Variants in DNAH6 observed in about 807,000 individuals in gnomAD.
DNAH6 encodes axonemal beta dynein heavy chain 6.
Under a neutral mutation model 491.4 loss-of-function variants are expected in DNAH6, and 340 were observed. That is an observed-to-expected ratio of 0.69 (90% CI 0.63 to 0.76). DNAH6 has a LOEUF of 0.76. DNAH6 is among the 30% of genes least tolerant of loss of function. The pLI is 0.00. For missense variants in DNAH6, 4,443 were observed against 4,972.2 expected, an observed-to-expected ratio of 0.89 and a Z score of 3.20; for synonymous variants, 1,603 against 1,686.1, an observed-to-expected ratio of 0.95 and a Z score of 1.21.
intron 58 of DNAH6, among the ~76,000 whole-genome samples, chr2:84,716,284 C>G (rs1370490325): frequency 6.6e-6 from 1 of 150,800 alleles, no homozygotes; most frequent in East Asian, 1.9e-4. Context: ...GTTCATGAGA[C>G]AAACTTTAAA....
intron 14 of DNAH6, among the ~76,000 whole-genome samples, chr2:84,582,226 G>C (rs888434015): frequency 3.3e-5 from 5 of 152,270 alleles, no homozygotes; most frequent in African/African-American, 1.2e-4. Flanking sequence ...CTAAAGTATG[G>C]ATAGAGCCAG....
Position 84,548,377 on chromosome 2 carries a change from G to C in DNAH6, c.1276G>C (p.Glu426Gln). Residue 426 changes from glutamate (E) to glutamine (Q), a missense_variant, in exon 8 of 77, where the codon GAA (glutamate) becomes CAA (glutamine). Glu to Gln is a conservative substitution (Grantham distance 29). Around this residue, in one of 3 missense-constraint regions of DNAH6, gnomAD observed 2,977 missense variants for 3,296.6 expected, o/e 0.90. Transcript: ENST00000389394. ...YGDSEKMTYT[E>Q]QASKRHYCMR... The stretch of plus-strand genomic sequence containing the variant: ...AGACTCTGAGAAAATGACATATACA[G>C]AACAGGCCAGCAAAAGGCATTATTG... 6.2e-7 allele frequency: 1 copy of C among 1,613,986 alleles called. No homozygotes were observed. The highest frequency in any genetic ancestry group is 8.5e-7 in the Non-Finnish European group (1 of 1,179,942).
rs543752080 is a variant in DNAH6, at chr2:84,747,384, C to T, written c.10512+2135C>T. On this transcript the variant is annotated intron_variant, in intron 63 of 76. Coordinates refer to ENST00000389394, the MANE Select transcript of DNAH6 (RefSeq NM_001370.2). Reference sequence around the variant, plus strand: ...GGAGAAATCAGCCAAAAGGAAAGGGCAACAGGCTCCATGCAAGTCTGAAAC... The same window carrying T: ...GGAGAAATCAGCCAAAAGGAAAGGGTAACAGGCTCCATGCAAGTCTGAAAC... Among the ~76,000 whole-genome samples the T allele has an allele frequency of 5.9e-5, 9 of 152,282 alleles. No homozygotes were observed. The South Asian group carries it at 1.7e-3, about 28-fold the overall frequency.
intron 58 of DNAH6, among the ~76,000 whole-genome samples, chr2:84,716,097 G>GTA (rs545829135): frequency 3.1e-3 from 461 of 149,450 alleles, no homozygotes; most frequent in Middle Eastern, 0.022. Flanking sequence ...GTATATATAT[G>GTA]TATATATGTG....
chr2:84,514,120 C>T (rs1267066460), upstream of DNAH6, among the ~76,000 whole-genome samples: 1 of 152,148 alleles, frequency 6.6e-6, no homozygotes, highest in East Asian at 1.9e-4. Context: ...CCCACAGCAC[C>T]CACAGCTTCC....
chr2:84,616,016 A>G (rs1343303862), intron 22 of DNAH6, among the ~76,000 whole-genome samples: 1 of 151,902 alleles, frequency 6.6e-6, no homozygotes, highest in African/African-American at 2.4e-5. Context: ...TTTGGAGTTG[A>G]TTTCCAATTT....
chr2:84,623,737 T>C (rs1687608085), intron 26 of DNAH6, among the ~76,000 whole-genome samples: 1 of 152,238 alleles, frequency 6.6e-6, no homozygotes, highest in Non-Finnish European at 1.5e-5. Flanking sequence ...TTGAAAAAGA[T>C]TTAATTATTA....
In DNAH6 at chr2:84,598,397, G is replaced by C. The variant is rs543202016; in HGVS notation, c.2868+2608G>C. The stretch of plus-strand genomic sequence containing the variant: ...CCATAGTTTGTTTATCCATTCACCT[G>C]GTGAAAGATATCTGAGTTCTGTCTC... On this transcript the variant is annotated intron_variant, in intron 18 of 76. Transcript: ENST00000389394. Among the ~76,000 whole-genome samples the C allele has an allele frequency of 3.9e-5, 6 of 152,126 alleles. No individual in the cohort carries two copies. In the East Asian group the frequency reaches 1.2e-3, roughly 29 times the overall value.
intron 4 of DNAH6, among the ~76,000 whole-genome samples, chr2:84,530,276 T>C (rs1018084249): frequency 8.5e-5 from 13 of 152,090 alleles, no homozygotes; most frequent in African/African-American, 3.1e-4. Flanking sequence ...TTAGGAGTGC[T>C]GGGGAAGAGG....
At position 84,543,273 on chromosome 2, in the gene DNAH6, C is replaced by T. The variant is rs528087245; in HGVS notation, c.663-960C>T. Among the ~76,000 whole-genome samples the T allele has an allele frequency of 3.3e-5, 5 of 152,282 alleles. No homozygotes were observed. The South Asian group carries it at 1.0e-3, about 32-fold the overall frequency. On this transcript the variant is annotated intron_variant, in intron 4 of 76. Transcript: ENST00000389394. ...AAAGCCGTGGAAAATAGCTGATTTT[C>T]ACTGGAGTGTTCCTAATTTCTGCCT...
At chr2:84,670,102 A>T (rs1486748587) in intron 38 of DNAH6, among the ~76,000 whole-genome samples, 1 of 152,232 alleles carries the variant, frequency 6.6e-6, no homozygotes, top group Admixed American at 6.5e-5. Flanking sequence ...GGATTTTGGC[A>T]TGAAACTAAA....
chr2:84,645,477 T>C (rs931083480), intron 33 of DNAH6, among the ~76,000 whole-genome samples: 6 of 152,178 alleles, frequency 3.9e-5, no homozygotes, highest in African/African-American at 1.4e-4. Context: ...TATCACATTG[T>C]GGTTTTGATT....
At chr2:84,548,476 A>G in intron 8 of DNAH6, 59 bp downstream of exon 8, 2 of 1,594,084 alleles carry the variant, frequency 1.3e-6, no homozygotes, top group Admixed American at 3.5e-5. Flanking sequence ...TGCATTAAAA[A>G]TTAAACCCCA....
intron 29 of DNAH6, among the ~76,000 whole-genome samples, chr2:84,632,432 G>A (rs1688495773): frequency 6.6e-6 from 1 of 152,156 alleles, no homozygotes; most frequent in Non-Finnish European, 1.5e-5. Context: ...AGAGCAAACG[G>A]AAATGAAGAA....
rs1225703911 is a variant in DNAH6 at position 84,624,251 on chromosome 2, T to A, written c.4072-14T>A. ...TATTGGAAAATTCACCATGACAATT[T>A]TTTTTATTTGTAGAGATTAAATGCC... On this transcript the variant is annotated splice_polypyrimidine_tract_variant and intron_variant, in intron 26 of 76. Coordinates refer to ENST00000389394, the MANE Select transcript of DNAH6 (RefSeq NM_001370.2). The A allele has an allele frequency of 6.5e-7, 1 of 1,529,706 alleles. No individual in the cohort carries two copies. Among genetic ancestry groups the A allele is most frequent in the East Asian group, 2.5e-5 (1 of 40,790 alleles). The allele number at this position is 1,529,706 out of a possible 1,614,324, so 94.8% of individuals were successfully genotyped here.
intron 4 of DNAH6, among the ~76,000 whole-genome samples, chr2:84,539,331 T>TA (rs1678011903): frequency 6.6e-6 from 1 of 152,036 alleles, no homozygotes; most frequent in African/African-American, 2.4e-5. Flanking sequence ...CACACAAACA[T>TA]ACATGCACAC....
At chr2:84,804,145 G>T (rs1335209133) in intron 70 of DNAH6, among the ~76,000 whole-genome samples, 1 of 146,634 alleles carries the variant, frequency 6.8e-6, no homozygotes, top group South Asian at 2.1e-4. Flanking sequence ...GGCAGAGGTT[G>T]CAGTGAGTCA....
chr2:84,815,911 T>G lies in DNAH6; in HGVS notation c.12201T>G (p.Ala4067=), dbSNP rs1680440038. Residue 4067 remains alanine (A), a synonymous_variant, in exon 76 of 77, where the codon GCT becomes GCG. Coordinates refer to ENST00000389394, the MANE Select transcript of DNAH6 (RefSeq NM_001370.2). ...GVLVHGMFMD[A]SRWDDKEMVI... is the part of the protein sequence containing the mutation. ...TTGTTCATGGGATGTTCATGGATGC[T>G]TCTCGATGGGATGATAAGGAGATGG... 2 of 1,551,858 alleles carry G rather than the reference T, an allele frequency of 1.3e-6. No individual in the cohort carries two copies. The highest frequency in any genetic ancestry group is 1.7e-6 in the Non-Finnish European group (2 of 1,147,054).
the DNAH6 span, among the ~76,000 whole-genome samples, chr2:84,488,602 T>C: frequency 3.3e-5 from 5 of 151,886 alleles, no homozygotes. Flanking sequence ...ACTTCCGCCG[T>C]CACTTCTTTT....
Sources: gnomAD v4.1 joint callset for allele counts (sites outside exome capture counted in the v4.1 genomes callset) on GRCh38, gnomAD v4.1.1 for gene constraint, gnomAD v4.1.1 regional missense constraint, MANE v1.5 for transcripts, NCBI Gene and HGNC (gene_info 2026-07-23, HGNC 2026-07-21) for gene names.